MOB3B: variants seen among roughly 807,000 people sequenced by gnomAD.
MOB3B encodes MOB kinase activator 3B.
MOB3B carries 7 observed loss-of-function variants against 18.7 expected under a neutral mutation model. The observed-to-expected ratio is 0.37, with a 90% CI of 0.21 to 0.70. MOB3B has a LOEUF of 0.70. Ranked by LOEUF, MOB3B falls within the 30% of genes least tolerant of loss-of-function variation. The probability of loss-of-function intolerance (pLI) is 0.52; values close to 1 mark genes in which losing one functional copy is unlikely to be tolerated. For missense variants in MOB3B, 253 were observed against 281.3 expected (o/e 0.90, Z 0.72); for synonymous variants, 111 against 99.9 (o/e 1.11, Z -0.66).
At chr9:27,336,185 T>C (rs928846017) in intron 3 of MOB3B, among the ~76,000 whole-genome samples, 2 of 152,210 alleles carry the variant, frequency 1.3e-5, no homozygotes, top group Non-Finnish European at 2.9e-5. Flanking sequence ...CTTGCCCAAG[T>C]TCACCCAGCT....
At chr9:27,334,015 T>C (rs951293920) in intron 3 of MOB3B, among the ~76,000 whole-genome samples, 2 of 152,218 alleles carry the variant, frequency 1.3e-5, no homozygotes, top group Non-Finnish European at 2.9e-5. Context: ...TAAGATGCAA[T>C]TGTCAGCTCC....
intron 2 of MOB3B, among the ~76,000 whole-genome samples, chr9:27,400,707 A>G (rs1821865219): frequency 6.6e-6 from 1 of 152,248 alleles, no homozygotes. Flanking sequence ...TCCTACTTAG[A>G]GAAGGTCCAT....
intron 1 of MOB3B, among the ~76,000 whole-genome samples, chr9:27,477,578 G>A (rs1337417386): frequency 6.6e-6 from 1 of 152,226 alleles, no homozygotes; most frequent in African/African-American, 2.4e-5. Flanking sequence ...AACATGATAG[G>A]TGGCCAATAA....
At chr9:27,383,100 G>A (rs1432942728) in intron 2 of MOB3B, among the ~76,000 whole-genome samples, 1 of 152,086 alleles carries the variant, frequency 6.6e-6, no homozygotes, top group East Asian at 1.9e-4. Context: ...ACCTGAAGGT[G>A]AGGGGGTTAA....
intron 1 of MOB3B, among the ~76,000 whole-genome samples, chr9:27,484,842 G>C (rs1313122044): frequency 6.6e-6 from 1 of 152,062 alleles, no homozygotes; most frequent in Non-Finnish European, 1.5e-5. Context: ...AGCTCACCAG[G>C]GTACCAGCTA....
At chr9:27,456,271 G>T (rs1822869241) in intron 1 of MOB3B, among the ~76,000 whole-genome samples, 1 of 152,192 alleles carries the variant, frequency 6.6e-6, no homozygotes, top group South Asian at 2.1e-4. Context: ...CATTGGGTGA[G>T]AAGTGATGAA....
intron 2 of MOB3B, among the ~76,000 whole-genome samples, chr9:27,432,331 T>A (rs1419065340): frequency 1.3e-5 from 2 of 152,224 alleles, no homozygotes; most frequent in Admixed American, 1.3e-4. Flanking sequence ...ATCACAGGGT[T>A]ATTGCCATTT....
rs1170389802 is a variant in MOB3B, at chr9:27,439,664, G to A, written c.418+15469C>T. 2.6e-5 allele frequency among the ~76,000 whole-genome samples: 4 copies of A among 152,106 alleles called. No homozygotes were observed. The East Asian group carries it at 7.7e-4, about 29-fold the overall frequency. On this transcript the variant is annotated intron_variant, in intron 2 of 3. Transcript: ENST00000262244. ...GTGTCACAGAGAAGCAAAACCTTTT[G>A]CTTCTTCAAATTATCCTTTTACTTT...
intron 1 of MOB3B, among the ~76,000 whole-genome samples, chr9:27,522,094 T>G (rs545275359): frequency 6.6e-6 from 1 of 150,630 alleles, no homozygotes; most frequent in Admixed American, 6.6e-5. Context: ...ACAAAAAAAT[T>G]AACGAGACAT....
intron 1 of MOB3B, among the ~76,000 whole-genome samples, chr9:27,464,800 A>G (rs1819352120): frequency 6.6e-6 from 1 of 152,062 alleles, no homozygotes; most frequent in African/African-American, 2.4e-5. Flanking sequence ...AAAATGAGGA[A>G]GAAGCAAAAA....
intron 3 of MOB3B, among the ~76,000 whole-genome samples, chr9:27,332,571 C>T (rs1163689375): frequency 6.6e-6 from 1 of 152,132 alleles, no homozygotes; most frequent in Non-Finnish European, 1.5e-5. Flanking sequence ...ACTATGACCT[C>T]CAATGGACAG....
chr9:27,396,163 C>T (rs1821795333), intron 2 of MOB3B, among the ~76,000 whole-genome samples: 1 of 152,018 alleles, frequency 6.6e-6, no homozygotes, highest in African/African-American at 2.4e-5. Flanking sequence ...TTTTTTCCTT[C>T]TCCAAAATAG....
intron 2 of MOB3B, among the ~76,000 whole-genome samples, chr9:27,388,886 C>T (rs1449125338): frequency 6.6e-6 from 1 of 152,136 alleles, no homozygotes; most frequent in Admixed American, 6.5e-5. Flanking sequence ...GATGCCACTC[C>T]TAAATTCATC....
chr9:27,498,184 A>G (rs1819929769), intron 1 of MOB3B, among the ~76,000 whole-genome samples: 1 of 152,310 alleles, frequency 6.6e-6, no homozygotes, highest in South Asian at 2.1e-4. Context: ...ACACTCCAAA[A>G]GCGCAGAAAA....
intron 1 of MOB3B, among the ~76,000 whole-genome samples, chr9:27,499,700 A>G (rs1819958776): frequency 6.6e-6 from 1 of 152,164 alleles, no homozygotes; most frequent in Non-Finnish European, 1.5e-5. Flanking sequence ...CATTCCATGC[A>G]ACTATCCCAC....
chr9:27,434,681 C>T (rs1018076289), intron 2 of MOB3B, among the ~76,000 whole-genome samples: 1 of 152,168 alleles, frequency 6.6e-6, no homozygotes, highest in African/African-American at 2.4e-5. Flanking sequence ...TACTCCCCTG[C>T]TCAAGCCGGA....
At chr9:27,390,187 A>G (rs574559988) in intron 2 of MOB3B, among the ~76,000 whole-genome samples, 2 of 152,076 alleles carry the variant, frequency 1.3e-5, no homozygotes, top group African/African-American at 4.8e-5. Flanking sequence ...TCCCAAGTTC[A>G]AGCGTTTCTC....
chr9:27,514,231 A>G (rs1218179790), intron 1 of MOB3B, among the ~76,000 whole-genome samples: 3 of 151,748 alleles, frequency 2.0e-5, no homozygotes, highest in East Asian at 1.9e-4. Context: ...TTAATTAGCT[A>G]TAATATTTGG....
At chr9:27,479,476 T>C (rs1402950135) in intron 1 of MOB3B, among the ~76,000 whole-genome samples, 1 of 152,020 alleles carries the variant, frequency 6.6e-6, no homozygotes, top group Admixed American at 6.5e-5. Context: ...TAAAAACATA[T>C]TCATACCAAA....
Sources: allele counts gnomAD v4.1 joint callset (sites outside exome capture counted in the v4.1 genomes callset), GRCh38; gene constraint gnomAD v4.1.1; transcripts MANE v1.5; gene names NCBI Gene and HGNC (gene_info 2026-07-23, HGNC 2026-07-21).